The following PRKAR1A variants were observed in gnomAD, a reference collection of about 807,000 sequenced individuals.
PRKAR1A encodes the protein protein kinase cAMP-dependent type I regulatory subunit alpha, also known as cAMP-dependent protein kinase type I-alpha regulatory subunit.
In PRKAR1A, 3 loss-of-function variants were observed where a neutral mutation model predicts 52.0. That is an observed-to-expected ratio of 0.06 (90% CI 0.03 to 0.15). The LOEUF (loss-of-function observed/expected upper bound fraction) is 0.15, where lower values mean the gene tolerates loss of function less well. Ranked by LOEUF, PRKAR1A falls within the 10% of genes least tolerant of loss-of-function variation. The probability of loss-of-function intolerance (pLI) is 1.00; values close to 1 mark genes in which losing one functional copy is unlikely to be tolerated. For missense variants in PRKAR1A, 240 were observed against 477.4 expected (o/e 0.50, Z 4.63); for synonymous variants, 188 against 168.4 (o/e 1.12, Z -0.90).
the PRKAR1A span, among the ~76,000 whole-genome samples, chr17:68,472,773 C>T: frequency 6.8e-6 from 1 of 148,068 alleles, no homozygotes; most frequent in South Asian, 2.1e-4. Flanking sequence ...TAGTGAAATC[C>T]TGTCTGTACT....
chr17:68,496,817 A>ATTTTTTT, the PRKAR1A span, among the ~76,000 whole-genome samples: 1 of 75,526 alleles, frequency 1.3e-5, no homozygotes, highest in Non-Finnish European at 2.7e-5. Flanking sequence ...CTTAGTTTTT[A>ATTTTTTT]CTTTTTTTTT....
Position 68,539,901 on chromosome 17 carries a change from G to A in PRKAR1A, c.973+9900G>A, listed in dbSNP as rs772333562. 5.6e-6 allele frequency: 9 copies of A among 1,614,022 alleles called. No individual in the cohort carries two copies. In the African/African-American group the frequency reaches 8.0e-5, roughly 14 times the overall value. ...GAAGCTCACCCTCTGGCGTTGTCAA[G>A]GTGAATAAGGAACCCATCATCCCCG... On this transcript the variant is annotated intron_variant, in intron 11 of 11. Transcript: ENST00000585981.
chr17:68,505,965 T>G, the PRKAR1A span, among the ~76,000 whole-genome samples: 2 of 152,248 alleles, frequency 1.3e-5, no homozygotes, highest in African/African-American at 4.8e-5. Context: ...AATTTTTTTG[T>G]AAACCTAGAA....
At chr17:68,457,521 GCCCCTACCCCGCCCC>G in the PRKAR1A span, 6 of 599,000 alleles carry the variant, frequency 1.0e-5, no homozygotes, top group Non-Finnish European at 1.2e-5. Flanking sequence ...GTCCTGCCCC[GCCCCTACCCCGCCCC>G]GTCCCCACCC....
chr17:68,510,874 C>A, upstream of PRKAR1A, among the ~76,000 whole-genome samples: 1 of 152,094 alleles, frequency 6.6e-6, no homozygotes. Flanking sequence ...ATGGACAGTA[C>A]CCTTAGAGCC....
At chr17:68,452,801 A>G in the PRKAR1A span, 1 of 933,528 alleles carries the variant, frequency 1.1e-6, no homozygotes, top group African/African-American at 1.7e-5. Flanking sequence ...CCTAAGTTTG[A>G]TGGCTAAGGA....
chr17:68,550,154 G>A (rs1029880820), intron 11 of PRKAR1A, among the ~76,000 whole-genome samples: 3 of 152,112 alleles, frequency 2.0e-5, no homozygotes, highest in African/African-American at 7.2e-5. Context: ...TCTAAGTGAT[G>A]ATGACAACCA....
At chr17:68,421,809 G>C in the PRKAR1A span, 58 of 1,613,982 alleles carry the variant, frequency 3.6e-5, no homozygotes, top group Non-Finnish European at 4.7e-5. Flanking sequence ...GATTTCCACG[G>C]CACAAGATTA....
the PRKAR1A span, chr17:68,435,560 G>C: frequency 6.5e-7 from 1 of 1,532,330 alleles, no homozygotes; most frequent in African/African-American, 1.4e-5. Context: ...TCCCATCCCT[G>C]CGCACGGCAG....
At chr17:68,467,690 A>G in the PRKAR1A span, among the ~76,000 whole-genome samples, 2 of 152,158 alleles carry the variant, frequency 1.3e-5, no homozygotes, top group South Asian at 4.1e-4. Context: ...GAGTTCAAGA[A>G]CTCGATATCT....
At chr17:68,416,001 G>A in the PRKAR1A span, among the ~76,000 whole-genome samples, 8 of 152,164 alleles carry the variant, frequency 5.3e-5, no homozygotes, top group African/African-American at 1.7e-4. Flanking sequence ...GGAGCATTTA[G>A]ACCATTTACA....
the PRKAR1A span, among the ~76,000 whole-genome samples, chr17:68,491,689 T>G: frequency 6.6e-6 from 1 of 151,868 alleles, no homozygotes; most frequent in African/African-American, 2.4e-5. Context: ...TTTGCCCTCT[T>G]GACATAAAGT....
At chr17:68,461,450 T>G in the PRKAR1A span, among the ~76,000 whole-genome samples, 1 of 152,150 alleles carries the variant, frequency 6.6e-6, no homozygotes, top group African/African-American at 2.4e-5. This position sits in a 1 kb window ranked among gnomAD's most constrained non-coding sequence, Gnocchi z 4.6. Context: ...AAGGTGGAAA[T>G]GAGACATCCT....
At chr17:68,514,998 G>C in intron 1 of PRKAR1A, 1 of 279,688 alleles carries the variant, frequency 3.6e-6, no homozygotes, top group Non-Finnish European at 7.0e-6. Flanking sequence ...TGACTTTTGT[G>C]CCCTGGTAAT....
Position 68,530,530 on chromosome 17 carries a change from C to G in PRKAR1A, c.*81C>G, listed in dbSNP as rs541466638. 8.6e-5 allele frequency: 139 copies of G among 1,611,214 alleles called. No individual in the cohort carries two copies. The highest frequency in any genetic ancestry group is 1.1e-4 in the Non-Finnish European group (124 of 1,179,048). ...CAAACTGCTTTATTTTCCCTACTTG[C>G]AGCGCCAAGTGGCCACTGGCATCGC... On this transcript the variant is annotated 3_prime_UTR_variant, in exon 11 of 11. Transcript: ENST00000589228.
At chr17:68,527,719 C>A in intron 7 of PRKAR1A, 121 bp from the exon 8 acceptor site, 1 of 812,718 alleles carries the variant, frequency 1.2e-6, no homozygotes, top group Non-Finnish European at 2.0e-6. Context: ...TCATTAAAAG[C>A]AACAAGCTTT....
chr17:68,482,033 C>A, the PRKAR1A span, among the ~76,000 whole-genome samples: 1 of 152,130 alleles, frequency 6.6e-6, no homozygotes, highest in East Asian at 1.9e-4. Flanking sequence ...GGAGATGGGT[C>A]CTGACTGTGT....
chr17:68,518,880 A>G (rs2085514760), intron 2 of PRKAR1A, among the ~76,000 whole-genome samples: 3 of 152,164 alleles, frequency 2.0e-5, no homozygotes, highest in African/African-American at 7.2e-5. Flanking sequence ...CGGATACCCT[A>G]AATCATTTCT....
the PRKAR1A span, among the ~76,000 whole-genome samples, chr17:68,431,790 A>AGAGCC: frequency 6.7e-6 from 1 of 150,008 alleles, no homozygotes; most frequent in Non-Finnish European, 1.5e-5. Context: ...GAGAACCCAG[A>AGAGCC]ACAGCTTGGA....
Sources: gnomAD v4.1 joint callset for allele counts (sites outside exome capture counted in the v4.1 genomes callset) on GRCh38, gnomAD v4.1.1 for gene constraint, Gnocchi (gnomAD v3.1) non-coding constraint, MANE v1.5 for transcripts, NCBI Gene and HGNC (gene_info 2026-07-23, HGNC 2026-07-21) for gene names.